Variants in ELAVL2 observed in about 807,000 individuals in gnomAD.
The protein encoded by ELAVL2 is ELAV-like protein 2.
Under a neutral mutation model 34.6 loss-of-function variants are expected in ELAVL2, and 4 were observed. That is an observed-to-expected ratio of 0.12 (90% confidence interval 0.06 to 0.26). ELAVL2 has a LOEUF of 0.26. ELAVL2 is among the 10% of genes least tolerant of loss of function. The pLI is 1.00. For missense variants in ELAVL2, 432 were observed against 442.8 expected (o/e 0.98, Z 0.22); for synonymous variants, 193 against 154.8 (o/e 1.25, Z -1.83).
intron 3 of ELAVL2, among the ~76,000 whole-genome samples, chr9:23,730,697 T>C (rs554803942): frequency 6.6e-5 from 10 of 152,172 alleles, no homozygotes; most frequent in East Asian, 3.9e-4. Flanking sequence ...ACCCAGACCT[T>C]TATAGAAGAA....
chr9:23,735,170 T>G (rs528593387), intron 2 of ELAVL2: 1 of 134,950 alleles, frequency 7.4e-6, no homozygotes, highest in African/African-American at 2.7e-5. Context: ...GCCAAAAAAT[T>G]TGCCTGGTAA....
chr9:23,845,677 T>A, the ELAVL2 span, among the ~76,000 whole-genome samples: 1 of 151,914 alleles, frequency 6.6e-6, no homozygotes, highest in East Asian at 1.9e-4. Flanking sequence ...ATTTCGATGG[T>A]TTCACTTTAT....
chr9:23,772,016 G>C (rs1205341520), intron 1 of ELAVL2, among the ~76,000 whole-genome samples: 1 of 152,142 alleles, frequency 6.6e-6, no homozygotes, highest in Non-Finnish European at 1.5e-5. Context: ...AGGGATATGA[G>C]TACAACAAGA....
intron 2 of ELAVL2, 122 bp downstream of exon 2, chr9:23,761,884 G>A: frequency 7.8e-7 from 1 of 1,289,362 alleles, no homozygotes; most frequent in East Asian, 2.6e-5. Context: ...TGTAATAACA[G>A]AGAGAAAATC....
intron 2 of ELAVL2, among the ~76,000 whole-genome samples, chr9:23,758,009 T>C (rs184805161): frequency 5.7e-4 from 86 of 152,198 alleles, no homozygotes; most frequent in Non-Finnish European, 2.1e-4. Flanking sequence ...AAAGGAAAGA[T>C]TTCAAATCTT....
chr9:23,816,587 T>C (rs899588832), intron 1 of ELAVL2, among the ~76,000 whole-genome samples: 7 of 151,866 alleles, frequency 4.6e-5, no homozygotes, highest in African/African-American at 1.7e-4. Flanking sequence ...TGGTCCCCAA[T>C]TTATGATGGT....
chr9:23,690,887 A>G lies in ELAVL2; in HGVS notation c.*1670T>C, dbSNP rs2032955953. ...TTTTAAAATTTCTTTCATACATGGTAAAGACTTATTTTATTATTTCCCCAA... is the reference window on the plus strand; with the variant it reads ...TTTTAAAATTTCTTTCATACATGGTGAAGACTTATTTTATTATTTCCCCAA... On this transcript the variant is annotated 3_prime_UTR_variant, in exon 7 of 7. Coordinates refer to ENST00000397312, the MANE Select transcript of ELAVL2 (RefSeq NM_004432.5). 6.6e-6 allele frequency: 1 copy of G among 152,586 alleles called. No homozygotes were observed. The highest frequency in any genetic ancestry group is 1.5e-5 in the Non-Finnish European group (1 of 67,998). The allele number at this position is 152,586 out of a possible 1,614,324, so 9.5% of individuals were successfully genotyped here.
chr9:23,728,936 G>T (rs1035243453), intron 3 of ELAVL2, among the ~76,000 whole-genome samples: 37 of 152,126 alleles, frequency 2.4e-4, no homozygotes, highest in African/African-American at 8.2e-4. Flanking sequence ...CCATTACCCT[G>T]ACCCACATCT....
At chr9:23,823,115 T>C (rs944280301) in intron 1 of ELAVL2, among the ~76,000 whole-genome samples, 2 of 152,232 alleles carry the variant, frequency 1.3e-5, no homozygotes, top group Non-Finnish European at 2.9e-5. Flanking sequence ...ACTGATTCTA[T>C]ATCAGCATTT....
At chr9:23,737,451 G>C (rs1315673815) in intron 2 of ELAVL2, among the ~76,000 whole-genome samples, 2 of 152,180 alleles carry the variant, frequency 1.3e-5, no homozygotes, top group Non-Finnish European at 2.9e-5. Flanking sequence ...CCATTAAGAT[G>C]AAGTCTCAAT....
chr9:23,803,316 A>G (rs772687042), intron 1 of ELAVL2, among the ~76,000 whole-genome samples: 1 of 152,250 alleles, frequency 6.6e-6, no homozygotes, highest in Non-Finnish European at 1.5e-5. Context: ...AAGATGCTTT[A>G]TAAAGCATAA....
chr9:23,842,513 G>A, the ELAVL2 span, among the ~76,000 whole-genome samples: 1 of 151,992 alleles, frequency 6.6e-6, no homozygotes, highest in Non-Finnish European at 1.5e-5. Context: ...CCTTGATACT[G>A]GCCAGTCTTA....
chr9:23,816,135 G>A (rs1342988070), intron 1 of ELAVL2, among the ~76,000 whole-genome samples: 1 of 151,826 alleles, frequency 6.6e-6, no homozygotes, highest in Non-Finnish European at 1.5e-5. Flanking sequence ...TCTAGGAAGA[G>A]ACAGCTACAG....
intron 1 of ELAVL2, among the ~76,000 whole-genome samples, chr9:23,769,767 G>T (rs1348547784): frequency 6.6e-6 from 1 of 152,158 alleles, no homozygotes; most frequent in Non-Finnish European, 1.5e-5. Context: ...TAAGGAGAAT[G>T]TTCTTTGGCA....
intron 2 of ELAVL2, among the ~76,000 whole-genome samples, chr9:23,748,793 AACAT>A (rs2135485914): frequency 6.6e-6 from 1 of 152,258 alleles, no homozygotes; most frequent in South Asian, 2.1e-4. Flanking sequence ...AGAGAAATAA[AACAT>A]ACAGAAGAGT....
At position 23,738,330 on chromosome 9, in the gene ELAVL2, T is replaced by C. The variant is rs79449906; in HGVS notation, c.230-7205A>G. 9.9e-3 allele frequency among the ~76,000 whole-genome samples: 1,510 copies of C among 152,324 alleles called. 28 individuals carry two copies. Among genetic ancestry groups the C allele is most frequent in the African/African-American group, 0.035 (1,449 of 41,566 alleles). On this transcript the variant is annotated intron_variant, in intron 2 of 6. Coordinates refer to ENST00000397312, the MANE Select transcript of ELAVL2 (RefSeq NM_004432.5). ...AATTCCTGACTTAGCCTGAGTCTCC[T>C]CAAATGTAGCATGCCAGATGCAGCA...
intron 4 of ELAVL2, among the ~76,000 whole-genome samples, chr9:23,702,974 A>AAAAAAAAAAAC (rs1554663987): frequency 7.2e-6 from 1 of 139,300 alleles, no homozygotes; most frequent in Non-Finnish European, 1.5e-5. Context: ...AAAAAAAAAA[A>AAAAAAAAAAAC]AAAAAAACAG....
intron 1 of ELAVL2, among the ~76,000 whole-genome samples, chr9:23,781,259 C>T (rs1019746684): frequency 1.3e-5 from 2 of 152,146 alleles, no homozygotes; most frequent in East Asian, 3.9e-4. Context: ...CTTTCATGCT[C>T]TCCTAAAAAC....
intron 3 of ELAVL2, among the ~76,000 whole-genome samples, chr9:23,716,002 A>C (rs1387503305): frequency 1.3e-5 from 2 of 152,160 alleles, no homozygotes; most frequent in Admixed American, 1.3e-4. Context: ...GAAGTGGATA[A>C]GACAAGAGAC....
Sources: allele counts gnomAD v4.1 joint callset (sites outside exome capture counted in the v4.1 genomes callset), GRCh38; gene constraint gnomAD v4.1.1; transcripts MANE v1.5; gene names NCBI Gene and HGNC (gene_info 2026-07-23, HGNC 2026-07-21).